The following CALM3 variants were observed in gnomAD, a reference collection of about 807,000 sequenced individuals.
CALM3 encodes the protein calmodulin 3.
A neutral mutation model predicts 20.1 loss-of-function variants in CALM3; 5 were observed. That is an observed-to-expected ratio of 0.25 (90% CI 0.13 to 0.52). The LOEUF (loss-of-function observed/expected upper bound fraction) is 0.52. Ranked by LOEUF, CALM3 falls within the 20% of genes least tolerant of loss-of-function variation. The pLI is 0.96. For synonymous variants in CALM3, 69 were observed against 68.1 expected (o/e 1.01, Z -0.06); for missense variants, 57 against 192.8 (o/e 0.30, Z 4.17).
At chr19:46,604,453 TC>T (rs967949799) in intron 1 of CALM3, among the ~76,000 whole-genome samples, 1 of 151,618 alleles carries the variant, frequency 6.6e-6, no homozygotes, top group African/African-American at 2.4e-5. Context: ...CCTTCCTCTT[TC>T]CCCCTCCCTA....
intron 1 of CALM3, among the ~76,000 whole-genome samples, chr19:46,602,956 G>A (rs1212511777): frequency 1.3e-5 from 2 of 152,226 alleles, no homozygotes; most frequent in Non-Finnish European, 2.9e-5. Context: ...ATCAGAGAGT[G>A]CCTCTGGGGA....
chr19:46,604,551 T>G (rs879502673), intron 1 of CALM3, among the ~76,000 whole-genome samples: 11 of 151,446 alleles, frequency 7.3e-5, no homozygotes, highest in African/African-American at 1.7e-4. Flanking sequence ...CGTTAGGTTT[T>G]TTTTTTTTTT....
rs767505624 is a variant in CALM3, at chr19:46,605,890, G to A, written c.34+33G>A. On this transcript the variant is annotated intron_variant, in intron 2 of 5. Transcript: ENST00000291295. The surrounding 1 kb of genome is among the most constrained non-coding windows in gnomAD (Gnocchi z 4.1). ...TGCTATCCCCCTCATCTTAGCTCAG[G>A]AAAGCCTCCACATCCCCAGCCAAAT... is the stretch of plus-strand genomic sequence containing the variant. 2.5e-5 allele frequency: 41 copies of A among 1,610,756 alleles called. 2 individuals are homozygous for A. The South Asian group carries it at 4.2e-4, about 16-fold the overall frequency.
chr19:46,607,591 C>T (rs556635213), intron 2 of CALM3, among the ~76,000 whole-genome samples: 21 of 152,326 alleles, frequency 1.4e-4, no homozygotes, highest in East Asian at 9.6e-4. Context: ...ATCAACCCCA[C>T]GCACTGTCCG....
At chr19:46,607,779 C>T (rs1971774120) in intron 2 of CALM3, among the ~76,000 whole-genome samples, 1 of 152,230 alleles carries the variant, frequency 6.6e-6, no homozygotes, top group African/African-American at 2.4e-5. Context: ...CTCGTCCCAG[C>T]CAGCCAACCC....
Position 46,601,404 on chromosome 19 carries a change from TC to T in CALM3, c.-27del. The T allele has an allele frequency of 6.6e-7, 1 of 1,506,048 alleles. No individual in the cohort carries two copies. The highest frequency in any genetic ancestry group is 8.8e-7 in the Non-Finnish European group (1 of 1,130,232). 93.3% of individuals were successfully genotyped at this position (1,506,048 alleles called of 1,614,324 possible). A position where few individuals can be genotyped will look rare whatever the true frequency, so the allele number is the denominator to read the frequency against. On this transcript the variant is annotated 5_prime_UTR_variant, in exon 1 of 6. Coordinates refer to ENST00000291295, the MANE Select transcript of CALM3 (RefSeq NM_005184.4). This position sits in a 1 kb window ranked among gnomAD's most constrained non-coding sequence, Gnocchi z 4.2. ...GCTGCCGCCGCCGGAGGAACCTTGA[TC>T]CCCGTGCTCCGGACACCCCGGGCCT...
chr19:46,601,123 G>A, upstream of CALM3: 1 of 768,396 alleles, frequency 1.3e-6, no homozygotes, highest in Non-Finnish European at 2.0e-6. This position sits in a 1 kb window ranked among gnomAD's most constrained non-coding sequence, Gnocchi z 4.2. Context: ...CGCGCGCCCG[G>A]CGGCAAACCC....
Position 46,608,977 on chromosome 19 carries a change from T to C in CALM3, c.417T>C (p.Tyr139=). ...TCGATGGAGATGGCCAGGTCAATTA[T>C]GAAGGTGAGTCAAGGCCAGGCTTGA... The part of the protein sequence containing the change: ...ADIDGDGQVN[Y]EEFVQMMTAK The change falls in exon 5 of 6, where the codon TAT becomes TAC. Residue 139 remains tyrosine, a synonymous_variant. Coordinates refer to ENST00000291295, the MANE Select transcript of CALM3 (RefSeq NM_005184.4). This position sits in a 1 kb window ranked among gnomAD's most constrained non-coding sequence, Gnocchi z 5.5. 1 of 1,602,240 alleles carries C rather than the reference T, an allele frequency of 6.2e-7. No homozygotes were observed. The highest frequency in any genetic ancestry group is 2.2e-5 in the East Asian group (1 of 44,718).
rs1205185983 is a variant in CALM3, at chr19:46,601,942, C to T, written c.3+505C>T. 1.2e-5 allele frequency: 5 copies of T among 417,824 alleles called. No individual in the cohort carries two copies. The East Asian group carries it at 3.8e-4, about 32-fold the overall frequency. 25.9% of individuals were successfully genotyped at this position (417,824 alleles called of 1,614,324 possible). ...GATGGGGTGGTGGAGGGTAGCTGGGCCCGGGCGGGGAGGGGCGACCCCTGG... is the reference window on the plus strand; with the variant it reads ...GATGGGGTGGTGGAGGGTAGCTGGGTCCGGGCGGGGAGGGGCGACCCCTGG... On this transcript the variant is annotated intron_variant, in intron 1 of 5. Coordinates refer to ENST00000291295, the MANE Select transcript of CALM3 (RefSeq NM_005184.4). This position sits in a 1 kb window ranked among gnomAD's most constrained non-coding sequence, Gnocchi z 4.2.
chr19:46,601,820 A>G lies in CALM3; in HGVS notation c.3+383A>G, dbSNP rs1274960462. Among the ~76,000 whole-genome samples, 1 of 151,842 alleles carries G rather than the reference A, an allele frequency of 6.6e-6. No individual in the cohort carries two copies. The highest frequency in any genetic ancestry group is 1.5e-5 in the Non-Finnish European group (1 of 67,968). ...GACCCCAGGGGACGAAATAAGAAAG[A>G]TGGGCTGGGGAGGGGAGCTATTCGG... On this transcript the variant is annotated intron_variant, in intron 1 of 5. Transcript: ENST00000291295. The surrounding 1 kb of genome is among the most constrained non-coding windows in gnomAD (Gnocchi z 4.2).
chr19:46,608,498 C>T lies in CALM3; in HGVS notation c.195C>T (p.Asp65=). ...ACCTTCCAGGGAACGGGACCATTGA[C>T]TTCCCGGAGTTCCTGACCATGATGG... The part of the protein sequence containing the change: ...EVDADGNGTI[D]FPEFLTMMAR... Residue 65 remains aspartate (D), a synonymous_variant, in exon 4 of 6, where the codon GAC becomes GAT. Transcript: ENST00000291295. This position sits in a 1 kb window ranked among gnomAD's most constrained non-coding sequence, Gnocchi z 5.5. 3 of 1,614,012 alleles carry T rather than the reference C, an allele frequency of 1.9e-6. No individual in the cohort carries two copies. Among genetic ancestry groups the T allele is most frequent in the Non-Finnish European group, 2.5e-6 (3 of 1,179,832 alleles).
chr19:46,603,436 C>A (rs906074695), intron 1 of CALM3, among the ~76,000 whole-genome samples: 5 of 152,192 alleles, frequency 3.3e-5, no homozygotes, highest in African/African-American at 1.2e-4. Flanking sequence ...GGGTGAGGGG[C>A]CCTGGCCTTG....
chr19:46,602,198 G>A, intron 1 of CALM3: 1 of 1,355,920 alleles, frequency 7.4e-7, no homozygotes. Flanking sequence ...CGTGGAGGTG[G>A]TGAAAAGGGA....
rs1289061356 is a variant in CALM3 at position 46,609,597 on chromosome 19, C to T, written c.*444C>T. The T allele has an allele frequency of 5.5e-6, 1 of 182,232 alleles. No homozygotes were observed. Among genetic ancestry groups the T allele is most frequent in the Admixed American group, 6.1e-5 (1 of 16,440 alleles). The allele number at this position is 182,232 out of a possible 1,614,324, so 11.3% of individuals were successfully genotyped here. On this transcript the variant is annotated 3_prime_UTR_variant, in exon 6 of 6. Coordinates refer to ENST00000291295, the MANE Select transcript of CALM3 (RefSeq NM_005184.4). The stretch of plus-strand genomic sequence containing the variant: ...AGAGGCCCTCCCCCAGGCAGAAGAG[C>T]ATGCCCTTTGCCGTTGCATGCAACC...
chr19:46,607,947 C>G, intron 2 of CALM3: 2 of 428,392 alleles, frequency 4.7e-6, no homozygotes, highest in African/African-American at 4.0e-5. Flanking sequence ...ACTGTCTTCA[C>G]TGGCTGGCCA....
rs573935530 is a variant in CALM3 at position 46,605,749 on chromosome 19, G to A, written c.4-78G>A. ...ACGTGGAGCTGGCCTCACTGGGGCC[G>A]AGGGTCTGGGCTGAGTGAGGAAGAT... On this transcript the variant is annotated intron_variant, in intron 1 of 5. Transcript: ENST00000291295. The surrounding 1 kb of genome is among the most constrained non-coding windows in gnomAD (Gnocchi z 4.1). 16 of 1,469,106 alleles carry A rather than the reference G, an allele frequency of 1.1e-5. No homozygotes were observed. Among genetic ancestry groups the A allele is most frequent in the Admixed American group, 1.7e-5 (1 of 59,552 alleles). 91.0% of individuals were successfully genotyped at this position (1,469,106 alleles called of 1,614,324 possible). A position where few individuals can be genotyped will look rare whatever the true frequency, so the allele number is the denominator to read the frequency against.
chr19:46,604,892 C>G (rs1039490076), intron 1 of CALM3, among the ~76,000 whole-genome samples: 5 of 152,172 alleles, frequency 3.3e-5, no homozygotes, highest in Middle Eastern at 3.4e-3. Context: ...CCCAACCCCC[C>G]AGCCCCGCTC....
At position 46,601,414 on chromosome 19, in the gene CALM3, C is replaced by G. The variant is rs1971612181; in HGVS notation, c.-21C>G. 1 of 1,506,218 alleles carries G rather than the reference C, an allele frequency of 6.6e-7. No individual in the cohort carries two copies. Among genetic ancestry groups the G allele is most frequent in the Non-Finnish European group, 8.9e-7 (1 of 1,129,640 alleles). The allele number at this position is 1,506,218 out of a possible 1,614,324, so 93.3% of individuals were successfully genotyped here. On this transcript the variant is annotated 5_prime_UTR_variant, in exon 1 of 6. Transcript: ENST00000291295. This position sits in a 1 kb window ranked among gnomAD's most constrained non-coding sequence, Gnocchi z 4.2. ...CCGGAGGAACCTTGATCCCCGTGCTCCGGACACCCCGGGCCTCGCCATGGT... is the reference window on the plus strand; with the variant it reads ...CCGGAGGAACCTTGATCCCCGTGCTGCGGACACCCCGGGCCTCGCCATGGT...
rs1261276595 is a variant in CALM3 at position 46,609,523 on chromosome 19, G to C, written c.*370G>C. 7.1e-6 allele frequency: 2 copies of C among 282,958 alleles called. No homozygotes were observed. The highest frequency in any genetic ancestry group is 1.3e-5 in the Non-Finnish European group (2 of 148,514). 17.5% of individuals were successfully genotyped at this position (282,958 alleles called of 1,614,324 possible). A position where few individuals can be genotyped will look rare whatever the true frequency, so the allele number is the denominator to read the frequency against. On this transcript the variant is annotated 3_prime_UTR_variant, in exon 6 of 6. Coordinates refer to ENST00000291295, the MANE Select transcript of CALM3 (RefSeq NM_005184.4). ...TCCTCTTGTTTGTCATCTTATTTTGGGTGCTGGGGTGGCTGCCAGCCCTGT... is the reference window on the plus strand; with the variant it reads ...TCCTCTTGTTTGTCATCTTATTTTGCGTGCTGGGGTGGCTGCCAGCCCTGT...
Sources: gnomAD v4.1 joint callset for allele counts (sites outside exome capture counted in the v4.1 genomes callset) on GRCh38, gnomAD v4.1.1 for gene constraint, Gnocchi (gnomAD v3.1) non-coding constraint, MANE v1.5 for transcripts, NCBI Gene and HGNC (gene_info 2026-07-23, HGNC 2026-07-21) for gene names.